ASH1L: variants seen among roughly 807,000 people sequenced by gnomAD.
ASH1L encodes ASH1 like histone lysine methyltransferase.
ASH1L carries 23 observed loss-of-function variants against 269.0 expected under a neutral mutation model. The observed-to-expected ratio is 0.09, with a 90% CI of 0.06 to 0.12. The LOEUF is 0.12. ASH1L is among the 10% of genes least tolerant of loss of function. The pLI is 1.00. For synonymous variants in ASH1L, 1,187 were observed against 1,253.5 expected (o/e 0.95, Z 1.12); for missense variants, 2,912 against 3,567.8 (o/e 0.82, Z 4.68).
intron 24 of ASH1L, among the ~76,000 whole-genome samples, chr1:155,342,484 G>T (rs1217654795): frequency 6.6e-6 from 1 of 152,142 alleles, no homozygotes; most frequent in Non-Finnish European, 1.5e-5. Context: ...GAGACAAGGA[G>T]GACTCATCAG....
chr1:155,446,611 CTTT>C (rs1186369283), intron 4 of ASH1L, among the ~76,000 whole-genome samples: 5 of 132,990 alleles, frequency 3.8e-5, no homozygotes, highest in African/African-American at 1.4e-4. Flanking sequence ...ATTTCAGTTT[CTTT>C]TTTTTTTTTT....
At chr1:155,451,592 T>A (rs1294614167) in intron 4 of ASH1L, among the ~76,000 whole-genome samples, 1 of 152,080 alleles carries the variant, frequency 6.6e-6, no homozygotes, top group Non-Finnish European at 1.5e-5. Flanking sequence ...AAACCCCATC[T>A]CTACTAAAAA....
intron 2 of ASH1L, among the ~76,000 whole-genome samples, chr1:155,490,002 T>C (rs1203190677): frequency 2.0e-5 from 3 of 150,838 alleles, no homozygotes; most frequent in Non-Finnish European, 4.4e-5. Flanking sequence ...GGAGTCTCGC[T>C]CTGTTGCCCA....
chr1:155,451,023 C>T (rs1203021147), intron 4 of ASH1L, among the ~76,000 whole-genome samples: 1 of 151,008 alleles, frequency 6.6e-6, no homozygotes, highest in Non-Finnish European at 1.5e-5. Context: ...CATGAAGAAA[C>T]CCTATCTCTA....
chr1:155,343,855 A>G lies in ASH1L; in HGVS notation c.7982-113T>C. ...TAGAACTCATAATCTGAAACAGTAT[A>G]AATACAGAGAGCTAAAAGCAGCAGT... On this transcript the variant is annotated intron_variant, in intron 22 of 27. Coordinates refer to ENST00000392403, the MANE Select transcript of ASH1L (RefSeq NM_018489.3). The surrounding 1 kb of genome is among the most constrained non-coding windows in gnomAD (Gnocchi z 6.1). 8.2e-7 allele frequency: 1 copy of G among 1,219,700 alleles called. No individual in the cohort carries two copies. Among genetic ancestry groups the G allele is most frequent in the Non-Finnish European group, 1.1e-6 (1 of 876,970 alleles). 75.6% of individuals were successfully genotyped at this position (1,219,700 alleles called of 1,614,324 possible). A position where few individuals can be genotyped will look rare whatever the true frequency, so the allele number is the denominator to read the frequency against.
intron 3 of ASH1L, among the ~76,000 whole-genome samples, chr1:155,472,534 A>C (rs978749244): frequency 3.9e-5 from 6 of 152,050 alleles, no homozygotes; most frequent in African/African-American, 1.4e-4. Context: ...ATCCTTTATA[A>C]TCTCCTTCTC....
intron 2 of ASH1L, among the ~76,000 whole-genome samples, chr1:155,499,015 C>G (rs532236458): frequency 1.3e-5 from 2 of 150,992 alleles, no homozygotes; most frequent in South Asian, 4.2e-4. Context: ...ATTTTCTTTT[C>G]AAAAGCAGAC....
intron 4 of ASH1L, among the ~76,000 whole-genome samples, chr1:155,455,954 G>T (rs954482702): frequency 6.6e-6 from 1 of 152,052 alleles, no homozygotes; most frequent in Non-Finnish European, 1.5e-5. Flanking sequence ...ACATTGTTAA[G>T]TGTCACCTTT....
At chr1:155,483,630 T>G (rs1666107113) in intron 2 of ASH1L, among the ~76,000 whole-genome samples, 1 of 151,594 alleles carries the variant, frequency 6.6e-6, no homozygotes. Flanking sequence ...GACCCAGAAA[T>G]CCTACTTTGA....
chr1:155,425,143 T>C (rs982885097), intron 5 of ASH1L, among the ~76,000 whole-genome samples: 1 of 152,088 alleles, frequency 6.6e-6, no homozygotes, highest in African/African-American at 2.4e-5. Flanking sequence ...CTAATTTTTG[T>C]ATTTTTAGTA....
At chr1:155,353,555 G>C (rs1654109290) in intron 16 of ASH1L, among the ~76,000 whole-genome samples, 12 of 152,152 alleles carry the variant, frequency 7.9e-5, no homozygotes, top group Admixed American at 7.9e-4. Context: ...AGTTAGAAAG[G>C]ATGCTTGGAC....
At chr1:155,412,215 T>A (rs1659866914) in intron 6 of ASH1L, among the ~76,000 whole-genome samples, 1 of 150,054 alleles carries the variant, frequency 6.7e-6, no homozygotes, top group Middle Eastern at 3.4e-3. Flanking sequence ...GCACCCCAGC[T>A]TGGGCAACAG....
At chr1:155,485,751 T>C (rs1423673919) in intron 2 of ASH1L, among the ~76,000 whole-genome samples, 1 of 152,158 alleles carries the variant, frequency 6.6e-6, no homozygotes, top group Non-Finnish European at 1.5e-5. Flanking sequence ...CGACAACCCA[T>C]TAGCAATGAA....
chr1:155,448,541 G>C (rs1343814477), intron 4 of ASH1L, among the ~76,000 whole-genome samples: 1 of 152,162 alleles, frequency 6.6e-6, no homozygotes, highest in Non-Finnish European at 1.5e-5. Flanking sequence ...CGTCACCCAG[G>C]CTGGAGTGCA....
chr1:155,515,998 T>C (rs1472516699), intron 2 of ASH1L, among the ~76,000 whole-genome samples: 5 of 152,152 alleles, frequency 3.3e-5, no homozygotes, highest in African/African-American at 1.2e-4. Flanking sequence ...GATGGCACTT[T>C]ATCATCATCC....
chr1:155,372,983 C>G (rs1371135466), intron 10 of ASH1L, among the ~76,000 whole-genome samples: 1 of 151,932 alleles, frequency 6.6e-6, no homozygotes, highest in Non-Finnish European at 1.5e-5. Context: ...GGGGCAGAGG[C>G]AGGAGGATCA....
At chr1:155,435,771 C>A (rs772243488) in intron 5 of ASH1L, among the ~76,000 whole-genome samples, 7 of 152,150 alleles carry the variant, frequency 4.6e-5, no homozygotes, top group Non-Finnish European at 1.0e-4. Context: ...TAAATATGGG[C>A]CAGGCGTGGT....
chr1:155,430,218 C>T (rs1661499612), intron 5 of ASH1L, among the ~76,000 whole-genome samples: 1 of 152,072 alleles, frequency 6.6e-6, no homozygotes, highest in Non-Finnish European at 1.5e-5. Flanking sequence ...TCCAGCAATA[C>T]TCCTGCCTCT....
rs397981613 is a variant in ASH1L at position 155,345,174 on chromosome 1, CTTT to C, written c.7891-904_7891-902del. Among the ~76,000 whole-genome samples the C allele has an allele frequency of 2.3e-3, 145 of 64,028 alleles. 1 individual carries two copies. The highest frequency in any genetic ancestry group is 9.1e-3 in the African/African-American group (141 of 15,422). The allele number at this position is 64,028 out of a possible 152,430, so 42.0% of individuals were successfully genotyped here. A position where few individuals can be genotyped will look rare whatever the true frequency, so the allele number is the denominator to read the frequency against. On this transcript the variant is annotated intron_variant, in intron 21 of 27. Coordinates refer to ENST00000392403, the MANE Select transcript of ASH1L (RefSeq NM_018489.3). ...GTTTCACCATGTTAGCCAGGATGGTCTTTTTTTTTTTTTTTTTTTTTTTGGAGA... is the reference window on the plus strand; with the variant it reads ...GTTTCACCATGTTAGCCAGGATGGTCTTTTTTTTTTTTTTTTTTTTGGAGA...
Sources: allele counts gnomAD v4.1 joint callset (sites outside exome capture counted in the v4.1 genomes callset), GRCh38; gene constraint gnomAD v4.1.1; non-coding constraint Gnocchi (gnomAD v3.1); transcripts MANE v1.5; gene names NCBI Gene and HGNC (gene_info 2026-07-23, HGNC 2026-07-21).